Variants in FHOD3 observed in about 807,000 individuals in gnomAD.
The protein encoded by FHOD3 is formin homology 2 domain containing 3.
Under a neutral mutation model 173.0 loss-of-function variants are expected in FHOD3, and 90 were observed. The observed-to-expected ratio is 0.52, with a 90% CI of 0.44 to 0.62. The LOEUF is 0.62. FHOD3 is among the 20% of genes least tolerant of loss of function. The probability of loss-of-function intolerance (pLI) is 0.00; values close to 1 mark genes in which losing one functional copy is unlikely to be tolerated. For missense variants in FHOD3, 1,945 were observed against 2,034.7 expected, an observed-to-expected ratio of 0.96 and a Z score of 0.85; for synonymous variants, 828 against 823.0, an observed-to-expected ratio of 1.01 and a Z score of -0.10.
intron 5 of FHOD3, among the ~76,000 whole-genome samples, chr18:36,570,611 C>A (rs1317826664): frequency 1.3e-5 from 2 of 151,930 alleles, no homozygotes; most frequent in Non-Finnish European, 2.9e-5. Flanking sequence ...TTATTATGAA[C>A]AAAGATGCAA....
intron 10 of FHOD3, among the ~76,000 whole-genome samples, chr18:36,626,578 C>A (rs565054000): frequency 1.3e-5 from 2 of 152,216 alleles, no homozygotes; most frequent in Middle Eastern, 3.4e-3. Context: ...GGATGAGGGA[C>A]TTTAGGCTCC....
chr18:36,726,180 T>C (rs1007609620), intron 19 of FHOD3, among the ~76,000 whole-genome samples: 4 of 151,108 alleles, frequency 2.6e-5, no homozygotes, highest in Middle Eastern at 3.5e-3. Flanking sequence ...TATATAAATA[T>C]ATATAATTAG....
In FHOD3 at chr18:36,602,871, G is replaced by A. The variant is rs9953875; in HGVS notation, c.813+103G>A. On this transcript the variant is annotated intron_variant, in intron 8 of 28. Transcript: ENST00000590592. Reference sequence around the variant, plus strand: ...TGTGGGCTTATTTGGAAATAGTGTCGTAGCAGATATAATCTGGTTGTGAGG... The same window carrying A: ...TGTGGGCTTATTTGGAAATAGTGTCATAGCAGATATAATCTGGTTGTGAGG... The A allele has an allele frequency of 0.064, 56,343 of 877,818 alleles. 2,151 individuals carry two copies. The highest frequency in any genetic ancestry group is 0.13 in the African/African-American group (7,840 of 59,806). The allele number at this position is 877,818 out of a possible 1,614,324, so 54.4% of individuals were successfully genotyped here.
chr18:36,691,584 C>T (rs2038965340), intron 16 of FHOD3, among the ~76,000 whole-genome samples: 1 of 116,432 alleles, frequency 8.6e-6, no homozygotes, highest in Non-Finnish European at 1.9e-5. Flanking sequence ...AAACACATTC[C>T]TTTTGTTGCC....
chr18:36,641,854 G>A (rs1052354520), intron 10 of FHOD3, among the ~76,000 whole-genome samples: 2 of 151,836 alleles, frequency 1.3e-5, no homozygotes, highest in Non-Finnish European at 2.9e-5. Flanking sequence ...TACTGAGGCT[G>A]AGGCAGGAGA....
At chr18:36,415,851 G>C (rs1016597867) in intron 3 of FHOD3, among the ~76,000 whole-genome samples, 1 of 152,028 alleles carries the variant, frequency 6.6e-6, no homozygotes, top group Non-Finnish European at 1.5e-5. Context: ...TTTCCATGCC[G>C]CAGCAGCCCT....
intron 5 of FHOD3, among the ~76,000 whole-genome samples, chr18:36,531,875 G>T (rs1191212229): frequency 6.6e-6 from 1 of 152,210 alleles, no homozygotes; most frequent in Non-Finnish European, 1.5e-5. Context: ...GGCTATTCCT[G>T]TGCGTGTCAC....
intron 5 of FHOD3, among the ~76,000 whole-genome samples, chr18:36,528,648 G>C (rs887764724): frequency 2.0e-5 from 3 of 152,162 alleles, no homozygotes; most frequent in African/African-American, 7.2e-5. Context: ...TCTGGATACT[G>C]GGCAATTTCA....
At chr18:36,540,293 AT>A (rs1217229244) in intron 5 of FHOD3, among the ~76,000 whole-genome samples, 1 of 152,162 alleles carries the variant, frequency 6.6e-6, no homozygotes, top group African/African-American at 2.4e-5. Flanking sequence ...TTCCTTCAAC[AT>A]TTCTTTTTGG....
intron 14 of FHOD3, among the ~76,000 whole-genome samples, chr18:36,670,635 C>G (rs539316932): frequency 6.6e-6 from 1 of 152,140 alleles, no homozygotes; most frequent in Non-Finnish European, 1.5e-5. Context: ...CCAACTAATT[C>G]TATCATCTGT....
At chr18:36,509,552 T>C (rs966112031) in intron 4 of FHOD3, among the ~76,000 whole-genome samples, 7 of 151,944 alleles carry the variant, frequency 4.6e-5, no homozygotes, top group African/African-American at 1.7e-4. Flanking sequence ...TTAAGAAGAG[T>C]TCCTGTAGTT....
chr18:36,298,044 C>T lies in FHOD3; in HGVS notation c.165+44C>T, dbSNP rs1359805881. 3 of 1,416,600 alleles carry T rather than the reference C, an allele frequency of 2.1e-6. No individual in the cohort carries two copies. In the East Asian group the frequency reaches 9.1e-5, roughly 43 times the overall value. 87.8% of individuals were successfully genotyped at this position (1,416,600 alleles called of 1,614,324 possible). On this transcript the variant is annotated intron_variant, in intron 1 of 28. Coordinates refer to ENST00000590592, the MANE Select transcript of FHOD3 (RefSeq NM_001281740.3). ...GGCTGGGCCCCCTGGACTCAGCCCC[C>T]TGCCGCGGTGCGCGCCGGGGTGGGT... is the stretch of plus-strand genomic sequence containing the variant.
intron 5 of FHOD3, among the ~76,000 whole-genome samples, chr18:36,563,345 C>T (rs538726401): frequency 2.0e-5 from 3 of 152,170 alleles, no homozygotes; most frequent in Non-Finnish European, 4.4e-5. Context: ...AAAGCTTGCT[C>T]CCTAGTGCCA....
At chr18:36,357,220 C>A (rs1475595031) in intron 2 of FHOD3, among the ~76,000 whole-genome samples, 1 of 152,148 alleles carries the variant, frequency 6.6e-6, no homozygotes, top group Non-Finnish European at 1.5e-5. Flanking sequence ...TGATGGCTTC[C>A]TGGGTTTCCC....
intron 5 of FHOD3, among the ~76,000 whole-genome samples, chr18:36,528,878 T>C (rs1327596663): frequency 1.3e-5 from 2 of 152,240 alleles, no homozygotes; most frequent in African/African-American, 4.8e-5. Context: ...TCTGTGCTGA[T>C]AGTCCGTGCC....
At chr18:36,572,704 G>A (rs1164282403) in intron 5 of FHOD3, among the ~76,000 whole-genome samples, 2 of 141,186 alleles carry the variant, frequency 1.4e-5, no homozygotes, top group Non-Finnish European at 3.1e-5. Context: ...TTGGGCACTT[G>A]GCCAGTACCA....
chr18:36,536,699 G>A (rs908573594), intron 5 of FHOD3, among the ~76,000 whole-genome samples: 1 of 152,154 alleles, frequency 6.6e-6, no homozygotes, highest in Non-Finnish European at 1.5e-5. Flanking sequence ...GGAGAGTAGG[G>A]AAGGGCTTGT....
intron 6 of FHOD3, among the ~76,000 whole-genome samples, chr18:36,579,953 A>AAC (rs2058787081): frequency 6.6e-6 from 1 of 152,114 alleles, no homozygotes; most frequent in African/African-American, 2.4e-5. Flanking sequence ...GAAAAAAAAA[A>AAC]ACAGAAATAA....
Position 36,658,169 on chromosome 18 carries a change from C to A in FHOD3, c.1816C>A (p.Gln606Lys). ...CCCCACATCATCCGTCTCACCCCCACAGGAGGCCAGGTTGGAAAGGTGAGT... is the reference window on the plus strand; with the variant it reads ...CCCCACATCATCCGTCTCACCCCCAAAGGAGGCCAGGTTGGAAAGGTGAGT... The part of the protein sequence containing the change: ...TTPTSSVSPP[Q>K]EARLERSSPS... The change falls in exon 14 of 29, where the codon CAG (glutamine) becomes AAG (lysine). Residue 606 changes from glutamine (Q) to lysine (K), a missense_variant. This residue lies in a region of FHOD3 where 1,099 missense variants were observed against 1,051.2 expected (regional missense o/e 1.05). Transcript: ENST00000590592. 6.3e-7 allele frequency: 1 copy of A among 1,586,456 alleles called. No individual in the cohort carries two copies. The highest frequency in any genetic ancestry group is 8.6e-7 in the Non-Finnish European group (1 of 1,169,272).
Sources: gnomAD v4.1 joint callset for allele counts (sites outside exome capture counted in the v4.1 genomes callset) on GRCh38, gnomAD v4.1.1 for gene constraint, gnomAD v4.1.1 regional missense constraint, MANE v1.5 for transcripts, NCBI Gene and HGNC (gene_info 2026-07-23, HGNC 2026-07-21) for gene names.